SLC25A12: variants seen among roughly 807,000 people sequenced by gnomAD.
SLC25A12 encodes the protein electrogenic aspartate/glutamate antiporter SLC25A12, mitochondrial.
A neutral mutation model predicts 83.3 loss-of-function variants in SLC25A12; 32 were observed. The observed-to-expected ratio is 0.38, with a 90% CI of 0.29 to 0.52. SLC25A12 has a LOEUF of 0.52. Ranked by LOEUF, SLC25A12 falls within the 20% of genes least tolerant of loss-of-function variation. The pLI, the probability that SLC25A12 is intolerant of heterozygous loss-of-function variation, is 0.84. For missense variants in SLC25A12, 611 were observed against 835.6 expected (o/e 0.73, Z 3.31); for synonymous variants, 267 against 291.1 (o/e 0.92, Z 0.84).
intron 3 of SLC25A12, among the ~76,000 whole-genome samples, 171 bp downstream of exon 3, chr2:171,868,510 C>T (rs1319397558): frequency 6.6e-6 from 1 of 151,946 alleles, no homozygotes; most frequent in Admixed American, 6.6e-5. Flanking sequence ...GACAGGGTTT[C>T]TCCATGTTGG....
Position 171,787,437 on chromosome 2 carries a change from G to A in SLC25A12, c.1835+134C>T, listed in dbSNP as rs1690509602. The A allele has an allele frequency of 1.1e-5, 9 of 804,452 alleles. No homozygotes were observed. The Admixed American group carries it at 1.4e-4, about 13-fold the overall frequency. 49.8% of individuals were successfully genotyped at this position (804,452 alleles called of 1,614,324 possible). On this transcript the variant is annotated intron_variant, in intron 17 of 17. Transcript: ENST00000422440. Reference sequence around the variant, plus strand: ...AACACAAATGCTTCTTAAGCTCACTGTTTTAAATGCATTGGTCTTAAAGGT... The same window carrying A: ...AACACAAATGCTTCTTAAGCTCACTATTTTAAATGCATTGGTCTTAAAGGT...
Position 171,791,567 on chromosome 2 carries a change from C to CG in SLC25A12, c.1468dup (p.Arg490ProfsTer22). The CG allele has an allele frequency of 6.2e-7, 1 of 1,613,886 alleles. No homozygotes were observed. The highest frequency in any genetic ancestry group is 8.5e-7 in the Non-Finnish European group (1 of 1,179,902). The stretch of plus-strand genomic sequence containing the variant: ...ATAGATTGCAGAGAAGGGAATGTCT[C>CG]GGAGGAAACACGCTTTGGCACCCTG... On this transcript the variant is annotated frameshift_variant, in exon 15 of 18. Transcript: ENST00000422440. LOFTEE classifies it high-confidence loss of function.
At position 171,787,831 on chromosome 2, in the gene SLC25A12, G is replaced by T. The variant is rs1417635052; in HGVS notation, c.1702C>A (p.Leu568Ile). 3.7e-6 allele frequency: 6 copies of T among 1,614,192 alleles called. No individual in the cohort carries two copies. The Admixed American group carries it at 8.3e-5, about 22-fold the overall frequency. The change falls in exon 16 of 18, where the codon CTC becomes ATC. Residue 568 changes from leucine to isoleucine, a missense_variant. Transcript: ENST00000422440. ...AATGCTGAGGGCCCTTCTTCCCGGA[G>T]AATCTTCCTGAAACAGTCGATGACA... ...SGVIDCFRKILREEGPSAFWK... is the reference protein window; with the variant it reads ...SGVIDCFRKIIREEGPSAFWK...
intron 4 of SLC25A12, among the ~76,000 whole-genome samples, chr2:171,851,475 C>T (rs1197681287): frequency 6.8e-6 from 1 of 147,970 alleles, no homozygotes; most frequent in African/African-American, 2.5e-5. Flanking sequence ...AGGCGTGAGC[C>T]ACTGCGCCTG....
At chr2:171,878,969 G>A (rs1204653686) in intron 2 of SLC25A12, among the ~76,000 whole-genome samples, 1 of 152,090 alleles carries the variant, frequency 6.6e-6, no homozygotes, top group Non-Finnish European at 1.5e-5. Context: ...CAGCAGATCT[G>A]ACACACAAAC....
At chr2:171,877,558 G>A (rs747864736) in intron 2 of SLC25A12, among the ~76,000 whole-genome samples, 5 of 151,418 alleles carry the variant, frequency 3.3e-5, no homozygotes, top group Admixed American at 2.0e-4. Context: ...CCAGCTACTC[G>A]AGAGGCGGAG....
chr2:171,846,208 C>T (rs1684794575), intron 4 of SLC25A12, among the ~76,000 whole-genome samples: 1 of 151,398 alleles, frequency 6.6e-6, no homozygotes, highest in Non-Finnish European at 1.5e-5. Flanking sequence ...GTTTCATCTT[C>T]AAGTTAAAAA....
At chr2:171,843,335 T>G (rs997270413) in intron 5 of SLC25A12, among the ~76,000 whole-genome samples, 2 of 152,126 alleles carry the variant, frequency 1.3e-5, no homozygotes, top group African/African-American at 4.8e-5. Context: ...CTAGAAACTC[T>G]AAGAACAATA....
At position 171,793,881 on chromosome 2, in the gene SLC25A12, G is replaced by A. The variant is rs1010826601; in HGVS notation, c.1306-114C>T. 7.5e-6 allele frequency: 9 copies of A among 1,204,670 alleles called. No individual in the cohort carries two copies. In the Admixed American group the frequency reaches 9.0e-5, roughly 12 times the overall value. 74.6% of individuals were successfully genotyped at this position (1,204,670 alleles called of 1,614,324 possible). A position where few individuals can be genotyped will look rare whatever the true frequency, so the allele number is the denominator to read the frequency against. ...CTTGCTATCTTGAAAAGAAGGAGGTGAAACTTCCTTCCTCAGGGGGGAATG... is the reference window on the plus strand; with the variant it reads ...CTTGCTATCTTGAAAAGAAGGAGGTAAAACTTCCTTCCTCAGGGGGGAATG... On this transcript the variant is annotated intron_variant, in intron 13 of 17. Coordinates refer to ENST00000422440, the MANE Select transcript of SLC25A12 (RefSeq NM_003705.5).
chr2:171,875,926 A>AAG (rs1553476992), intron 2 of SLC25A12, among the ~76,000 whole-genome samples: 1 of 149,876 alleles, frequency 6.7e-6, no homozygotes, highest in Non-Finnish European at 1.5e-5. Context: ...AAAAAAAAAA[A>AAG]AAAAGAAACC....
intron 4 of SLC25A12, chr2:171,848,316 C>A (rs1463591555): frequency 6.4e-6 from 3 of 470,626 alleles, no homozygotes; most frequent in African/African-American, 4.0e-5. Context: ...ACACAGCCCA[C>A]CTACCATCAG....
intron 11 of SLC25A12, 42 bp from the exon 12 acceptor site, chr2:171,810,318 G>A (rs746328009): frequency 6.8e-7 from 1 of 1,480,476 alleles, no homozygotes; most frequent in African/African-American, 1.4e-5. Flanking sequence ...AGCTGTACCA[G>A]ACATGAATAC....
intron 13 of SLC25A12, among the ~76,000 whole-genome samples, chr2:171,808,505 T>G (rs929921694): frequency 6.6e-6 from 1 of 152,252 alleles, no homozygotes; most frequent in Non-Finnish European, 1.5e-5. Context: ...ATACCTAAGA[T>G]ATAAGGGCCC....
chr2:171,832,634 T>A (rs141137905), intron 8 of SLC25A12, among the ~76,000 whole-genome samples: 1 of 152,266 alleles, frequency 6.6e-6, no homozygotes, highest in East Asian at 1.9e-4. Flanking sequence ...ATACCCCTTT[T>A]GGTAGGGCTA....
At chr2:171,864,514 T>G (rs1685239559) in intron 3 of SLC25A12, among the ~76,000 whole-genome samples, 1 of 151,926 alleles carries the variant, frequency 6.6e-6, no homozygotes, top group Non-Finnish European at 1.5e-5. Flanking sequence ...TCCAACTACA[T>G]CTCCCCCAGC....
chr2:171,848,497 T>C (rs1023570098), intron 4 of SLC25A12, among the ~76,000 whole-genome samples: 4 of 152,162 alleles, frequency 2.6e-5, no homozygotes, highest in African/African-American at 9.7e-5. Flanking sequence ...ACTCCCACCA[T>C]GAATGGTGAA....
chr2:171,799,561 T>C (rs1683666638), intron 13 of SLC25A12, among the ~76,000 whole-genome samples: 1 of 152,252 alleles, frequency 6.6e-6, no homozygotes, highest in African/African-American at 2.4e-5. Context: ...GCTTTACCGA[T>C]ATGAAGGGAG....
rs192969064 is a variant in SLC25A12, at chr2:171,786,529, T to G, written c.1835+1042A>C. ...TTCTCACTTTTTTTGCATAGGTCCCTCCACTTGGTTCAGCAGCTGATTCCC... is the reference window on the plus strand; with the variant it reads ...TTCTCACTTTTTTTGCATAGGTCCCGCCACTTGGTTCAGCAGCTGATTCCC... On this transcript the variant is annotated intron_variant, in intron 17 of 17. Coordinates refer to ENST00000422440, the MANE Select transcript of SLC25A12 (RefSeq NM_003705.5). Among the ~76,000 whole-genome samples the G allele has an allele frequency of 8.1e-4, 123 of 152,210 alleles. 1 individual carries two copies. Among genetic ancestry groups the G allele is most frequent in the African/African-American group, 2.9e-3 (122 of 41,536 alleles).
At chr2:171,849,219 A>G (rs765268905) in intron 4 of SLC25A12, among the ~76,000 whole-genome samples, 4 of 152,118 alleles carry the variant, frequency 2.6e-5, no homozygotes, top group Non-Finnish European at 5.9e-5. Flanking sequence ...ATACATACAT[A>G]CATACATACT....
Sources: allele counts gnomAD v4.1 joint callset (sites outside exome capture counted in the v4.1 genomes callset), GRCh38; gene constraint gnomAD v4.1.1; transcripts MANE v1.5; gene names NCBI Gene and HGNC (gene_info 2026-07-23, HGNC 2026-07-21).